Variants in GSK3B observed in about 807,000 individuals in gnomAD.
GSK3B encodes the protein glycogen synthase kinase 3 beta, also known as glycogen synthase kinase-3 beta.
Under a neutral mutation model 56.4 loss-of-function variants are expected in GSK3B, and 15 were observed. That is an observed-to-expected ratio of 0.27 (90% confidence interval 0.18 to 0.41). The LOEUF (loss-of-function observed/expected upper bound fraction) is 0.41. Ranked by LOEUF, GSK3B falls within the 10% of genes least tolerant of loss-of-function variation. The pLI is 1.00. For synonymous variants in GSK3B, 181 were observed against 188.9 expected, an observed-to-expected ratio of 0.96 and a Z score of 0.34; for missense variants, 300 against 513.4, an observed-to-expected ratio of 0.58 and a Z score of 4.02.
chr3:119,931,702 G>A (rs2056947505), intron 3 of GSK3B, among the ~76,000 whole-genome samples: 1 of 152,106 alleles, frequency 6.6e-6, no homozygotes, highest in Admixed American at 6.6e-5. Flanking sequence ...TTGGGAGGCA[G>A]GAGCTGAAAA....
At chr3:119,970,178 G>T (rs1001949522) in intron 2 of GSK3B, among the ~76,000 whole-genome samples, 1 of 152,164 alleles carries the variant, frequency 6.6e-6, no homozygotes. Flanking sequence ...AGTATATACA[G>T]GTTTTAGTGC....
chr3:119,823,802 CTT>C lies in GSK3B; in HGVS notation c.*2984_*2985del. On this transcript the variant is annotated 3_prime_UTR_variant, in exon 11 of 11. Coordinates refer to ENST00000264235, the MANE Select transcript of GSK3B (RefSeq NM_001146156.2). ...ACTCCTGAGTATGGTATCACTGAAA[CTT>C]AACTGTGGAAGGGGCAAAGATACTG... The C allele has an allele frequency of 5.0e-6, 1 of 199,332 alleles. No individual in the cohort carries two copies. The highest frequency in any genetic ancestry group is 1.9e-4 in the South Asian group (1 of 5,218). 12.3% of individuals were successfully genotyped at this position (199,332 alleles called of 1,614,324 possible). A position where few individuals can be genotyped will look rare whatever the true frequency, so the allele number is the denominator to read the frequency against.
intron 9 of GSK3B, among the ~76,000 whole-genome samples, chr3:119,860,477 A>T (rs1055656349): frequency 5.9e-5 from 9 of 152,210 alleles, no homozygotes; most frequent in Non-Finnish European, 1.2e-4. Context: ...AAGATCTTAA[A>T]GTTGTCCATC....
intron 3 of GSK3B, among the ~76,000 whole-genome samples, chr3:119,932,168 T>C (rs1284317376): frequency 1.3e-5 from 2 of 152,228 alleles, no homozygotes; most frequent in African/African-American, 4.8e-5. Context: ...AAAAATCTGA[T>C]GTAATGCAAT....
At chr3:120,085,186 C>G (rs903427136) in intron 1 of GSK3B, among the ~76,000 whole-genome samples, 3 of 152,148 alleles carry the variant, frequency 2.0e-5, no homozygotes, top group African/African-American at 7.2e-5. Context: ...TTATCTGGCA[C>G]ACCGCACTCA....
At chr3:119,887,843 T>C (rs1306047086) in intron 7 of GSK3B, among the ~76,000 whole-genome samples, 1 of 152,018 alleles carries the variant, frequency 6.6e-6, no homozygotes, top group Non-Finnish European at 1.5e-5. Context: ...AGTGAAAATC[T>C]TCAAGAATGC....
intron 1 of GSK3B, chr3:120,029,684 T>A (rs186319624): frequency 1.0e-4 from 55 of 532,500 alleles, no homozygotes; most frequent in Admixed American, 8.3e-4. Context: ...TGGCCATGGA[T>A]ACAGCAGAAA....
At chr3:120,086,801 CAA>C (rs756764948) in intron 1 of GSK3B, among the ~76,000 whole-genome samples, 14 of 123,442 alleles carry the variant, frequency 1.1e-4, no homozygotes, top group Non-Finnish European at 8.8e-5. Context: ...ACCCTGTCTC[CAA>C]AAAAAAAAAA....
At chr3:119,871,405 A>C (rs971969133) in intron 8 of GSK3B, among the ~76,000 whole-genome samples, 4 of 152,234 alleles carry the variant, frequency 2.6e-5, no homozygotes, top group African/African-American at 9.6e-5. Flanking sequence ...TTTACTATTA[A>C]GTATTAAACT....
Position 119,947,380 on chromosome 3 carries a change from T to G in GSK3B, c.283-29A>C, listed in dbSNP as rs758045356. The G allele has an allele frequency of 4.5e-6, 6 of 1,346,852 alleles. No homozygotes were observed. The Admixed American group carries it at 6.7e-5, about 15-fold the overall frequency. 83.4% of individuals were successfully genotyped at this position (1,346,852 alleles called of 1,614,324 possible). A position where few individuals can be genotyped will look rare whatever the true frequency, so the allele number is the denominator to read the frequency against. On this transcript the variant is annotated intron_variant, in intron 2 of 10. Transcript: ENST00000264235. ...AAAAGGAAACACATAAAAATATATT[T>G]TTAAAGGATAACAGCTATTCATCAT...
intron 2 of GSK3B, among the ~76,000 whole-genome samples, chr3:119,964,379 T>C (rs1003187057): frequency 6.6e-6 from 1 of 152,154 alleles, no homozygotes; most frequent in Non-Finnish European, 1.5e-5. Context: ...CCAGATGAAT[T>C]GATAAGAAAA....
At chr3:120,045,955 T>G (rs1324074741) in intron 1 of GSK3B, among the ~76,000 whole-genome samples, 1 of 152,164 alleles carries the variant, frequency 6.6e-6, no homozygotes, top group Non-Finnish European at 1.5e-5. Context: ...TTAAATATAT[T>G]GCTAAGTGAA....
chr3:119,838,188 C>T (rs2055720990), intron 10 of GSK3B, among the ~76,000 whole-genome samples: 1 of 151,824 alleles, frequency 6.6e-6, no homozygotes, highest in South Asian at 2.1e-4. Flanking sequence ...ACTTGGAAGG[C>T]TGAGGCATGA....
chr3:120,022,311 T>TG (rs2057885706), intron 1 of GSK3B, among the ~76,000 whole-genome samples: 1 of 152,260 alleles, frequency 6.6e-6, no homozygotes, highest in Non-Finnish European at 1.5e-5. Flanking sequence ...ATAATGCTAC[T>TG]GCACTTTATA....
chr3:119,901,886 T>G (rs908365474), intron 7 of GSK3B, among the ~76,000 whole-genome samples: 3 of 152,206 alleles, frequency 2.0e-5, no homozygotes, highest in Non-Finnish European at 4.4e-5. Flanking sequence ...ATTATCCACT[T>G]TCTTTTTTTT....
At chr3:119,953,561 C>T (rs1236123392) in intron 2 of GSK3B, among the ~76,000 whole-genome samples, 1 of 151,964 alleles carries the variant, frequency 6.6e-6, no homozygotes, top group Non-Finnish European at 1.5e-5. Flanking sequence ...AGAGAGAGAC[C>T]CACTGCCTAC....
At chr3:119,970,489 C>G (rs1199696755) in intron 2 of GSK3B, among the ~76,000 whole-genome samples, 2 of 151,714 alleles carry the variant, frequency 1.3e-5, no homozygotes, top group African/African-American at 4.8e-5. Flanking sequence ...CAAAAACGAT[C>G]AGCCGGGCGC....
At chr3:120,032,029 C>T (rs559969995) in intron 1 of GSK3B, among the ~76,000 whole-genome samples, 2 of 152,078 alleles carry the variant, frequency 1.3e-5, no homozygotes, top group African/African-American at 4.8e-5. Flanking sequence ...CTGAAAGTGG[C>T]AAAGTTTGAA....
chr3:119,836,045 CA>C (rs2055685628), intron 10 of GSK3B, among the ~76,000 whole-genome samples: 1 of 152,088 alleles, frequency 6.6e-6, no homozygotes, highest in African/African-American at 2.4e-5. Flanking sequence ...ATGTAGGTAA[CA>C]GGAATTCTGG....
Sources: gnomAD v4.1 joint callset for allele counts (sites outside exome capture counted in the v4.1 genomes callset) on GRCh38, gnomAD v4.1.1 for gene constraint, MANE v1.5 for transcripts, NCBI Gene and HGNC (gene_info 2026-07-23, HGNC 2026-07-21) for gene names.